Variants in ADGRV1 observed in about 807,000 individuals in gnomAD.
ADGRV1 encodes the protein adhesion G protein-coupled receptor V1.
A neutral mutation model predicts 596.2 loss-of-function variants in ADGRV1; 359 were observed. The observed-to-expected ratio is 0.60, with a 90% CI of 0.55 to 0.66. The LOEUF (loss-of-function observed/expected upper bound fraction) is 0.66. Among genes scored for constraint, ADGRV1 ranks in the 30% least tolerant of loss-of-function variants. ADGRV1 has a pLI of 0.00. For missense variants in ADGRV1, 7,274 were observed against 7,575.6 expected (o/e 0.96, Z 1.48); for synonymous variants, 2,681 against 2,679.2 (o/e 1.00, Z -0.02).
chr5:90,814,086 CAAG>C (rs1762689121), intron 74 of ADGRV1, among the ~76,000 whole-genome samples: 1 of 152,156 alleles, frequency 6.6e-6, no homozygotes, highest in South Asian at 2.1e-4. Flanking sequence ...CTTAAGGTGA[CAAG>C]AAAAGAATTG....
chr5:90,965,053 A>G (rs977715036), intron 83 of ADGRV1, among the ~76,000 whole-genome samples: 4 of 152,076 alleles, frequency 2.6e-5, no homozygotes, highest in African/African-American at 7.2e-5. Context: ...TTTCTCTCCC[A>G]TTAGCTTTGA....
At chr5:90,694,729 G>A (rs758821724) in intron 33 of ADGRV1, 28 bp downstream of exon 33, 31 of 1,513,990 alleles carry the variant, frequency 2.0e-5, no homozygotes, top group Middle Eastern at 1.8e-4. Flanking sequence ...ATGAATTTCC[G>A]TTGCCCCAGT....
In ADGRV1 at chr5:90,692,640, A is replaced by G. The variant is rs763995549; in HGVS notation, c.6987A>G (p.Gly2329=). ...TGCAACTAACTGATGCCTCTGGTGG[A>G]GGTACTATTGGGTTAGATCGAATTG... The part of the protein sequence containing the change: ...IQVQLTDASG[G]GTIGLDRIAN... The change falls in exon 32 of 90, where the codon GGA becomes GGG. Residue 2329 remains glycine, a synonymous_variant. Coordinates refer to ENST00000405460, the MANE Select transcript of ADGRV1 (RefSeq NM_032119.4). 5 of 1,610,820 alleles carry G rather than the reference A, an allele frequency of 3.1e-6. No homozygotes were observed. Among genetic ancestry groups the G allele is most frequent in the South Asian group, 2.2e-5 (2 of 90,426 alleles).
Position 90,810,959 on chromosome 5 carries a change from G to A in ADGRV1, c.15699G>A (p.Met5233Ile). The A allele has an allele frequency of 1.2e-6, 2 of 1,614,014 alleles. No individual in the cohort carries two copies. Among genetic ancestry groups the A allele is most frequent in the Non-Finnish European group, 1.7e-6 (2 of 1,179,896 alleles). ...CCATTGTTTATATTGAAGAGGAGAT[G>A]AAGAATGGCACATTCAACACTGCAG... ...GPSIVYIEEE[M>I]KNGTFNTAEV... The change falls in exon 74 of 90, where the codon ATG becomes ATA. Residue 5233 changes from methionine to isoleucine, a missense_variant. By Grantham distance (10) the Met-to-Ile change is conservative. Transcript: ENST00000405460.
chr5:90,749,448 G>A (rs1755005015), intron 52 of ADGRV1, among the ~76,000 whole-genome samples: 2 of 152,102 alleles, frequency 1.3e-5, no homozygotes, highest in African/African-American at 4.8e-5. Flanking sequence ...ATTTTATTTA[G>A]GAATGTTTGA....
rs189289831 is a variant in ADGRV1 at position 90,993,342 on chromosome 5, A to G, written c.18152+7820A>G. On this transcript the variant is annotated intron_variant, in intron 85 of 89. Coordinates refer to ENST00000405460, the MANE Select transcript of ADGRV1 (RefSeq NM_032119.4). ...CACAGCTAGTTTTTGTGTTATTAGT[A>G]GAGACGGGGTTTCACCATATTGGCC... Among the ~76,000 whole-genome samples the G allele has an allele frequency of 2.4e-3, 360 of 151,892 alleles. 2 individuals carry two copies. The highest frequency in any genetic ancestry group is 8.0e-3 in the African/African-American group (333 of 41,434).
chr5:91,053,199 C>G (rs1786510068), intron 85 of ADGRV1, among the ~76,000 whole-genome samples: 1 of 152,136 alleles, frequency 6.6e-6, no homozygotes, highest in South Asian at 2.1e-4. Flanking sequence ...TATATTACAG[C>G]TCTCTTGGGC....
chr5:90,803,797 T>C (rs1761636581), intron 71 of ADGRV1, among the ~76,000 whole-genome samples: 1 of 152,168 alleles, frequency 6.6e-6, no homozygotes, highest in South Asian at 2.1e-4. Flanking sequence ...GCTTTGAATT[T>C]TGTTGTCTTC....
At chr5:90,847,738 G>A (rs1441896604) in intron 78 of ADGRV1, among the ~76,000 whole-genome samples, 9 of 152,316 alleles carry the variant, frequency 5.9e-5, no homozygotes, top group Admixed American at 2.6e-4. Context: ...CTCACTGCCC[G>A]GGGCTGGCAG....
rs1414801496 is a variant in ADGRV1, at chr5:90,810,748, C to T, written c.15488C>T (p.Thr5163Ile). Residue 5163 changes from threonine (T) to isoleucine (I), a missense_variant, in exon 74 of 90, where the codon ACA becomes ATA. Physicochemically the swap from Thr to Ile is moderately conservative, Grantham distance 89 (BLOSUM62 -1). Around this residue, in one of 5 missense-constraint regions of ADGRV1, gnomAD observed 1,874 missense variants for 1,970.2 expected, o/e 0.95. Transcript: ENST00000405460. ...VETESTTYLS[T>I]SKTTTILQPT... Reference sequence around the variant, plus strand: ...ACTGAATCCACCACATACCTCAGCACAAGCAAGACGACTACCATTCTGCAG... The same window carrying T: ...ACTGAATCCACCACATACCTCAGCATAAGCAAGACGACTACCATTCTGCAG... 1 of 1,613,960 alleles carries T rather than the reference C, an allele frequency of 6.2e-7. No individual in the cohort carries two copies. The highest frequency in any genetic ancestry group is 8.5e-7 in the Non-Finnish European group (1 of 1,179,894).
chr5:90,786,588 ACT>A (rs1759479777), intron 67 of ADGRV1, among the ~76,000 whole-genome samples: 1 of 151,896 alleles, frequency 6.6e-6, no homozygotes, highest in Non-Finnish European at 1.5e-5. Context: ...ATTTCCCTCT[ACT>A]CTCCATGTCA....
chr5:91,012,512 A>G (rs1782805477), intron 85 of ADGRV1, among the ~76,000 whole-genome samples: 1 of 151,820 alleles, frequency 6.6e-6, no homozygotes, highest in South Asian at 2.1e-4. Context: ...ATTTATTTGA[A>G]CCATCTTATG....
At chr5:90,635,336 A>C (rs1202080303) in intron 10 of ADGRV1, 46 bp downstream of exon 10, 3 of 1,485,538 alleles carry the variant, frequency 2.0e-6, no homozygotes, top group Non-Finnish European at 9.1e-7. Context: ...AGTATGAAGT[A>C]ATGTACAGAC....
intron 87 of ADGRV1, among the ~76,000 whole-genome samples, chr5:91,148,040 A>G (rs115019036): frequency 6.6e-6 from 1 of 152,282 alleles, no homozygotes; most frequent in Non-Finnish European, 1.5e-5. Context: ...CTCCCTAGAA[A>G]TCTGTGGAAC....
At chr5:91,018,040 T>G (rs1449710862) in intron 85 of ADGRV1, among the ~76,000 whole-genome samples, 6 of 152,080 alleles carry the variant, frequency 3.9e-5, no homozygotes, top group Admixed American at 2.6e-4. Context: ...TCTACCCTAC[T>G]ATGTTTTTAA....
chr5:91,022,874 C>T (rs1243964498), intron 85 of ADGRV1, among the ~76,000 whole-genome samples: 2 of 152,036 alleles, frequency 1.3e-5, no homozygotes, highest in African/African-American at 4.8e-5. Context: ...ACAGTTTTAG[C>T]CTGCAGCTTT....
chr5:90,994,154 C>T (rs1371508315), intron 85 of ADGRV1, among the ~76,000 whole-genome samples: 1 of 151,848 alleles, frequency 6.6e-6, no homozygotes, highest in East Asian at 1.9e-4. Flanking sequence ...CCTCTGCCTC[C>T]CAGGTTTGAG....
chr5:90,809,631 G>A (rs550965182), intron 73 of ADGRV1, among the ~76,000 whole-genome samples: 13 of 152,214 alleles, frequency 8.5e-5, no homozygotes, highest in African/African-American at 3.1e-4. Context: ...AAATAAACCT[G>A]TAGACAGAAT....
chr5:91,052,371 T>C (rs1786419491), intron 85 of ADGRV1, among the ~76,000 whole-genome samples: 1 of 151,882 alleles, frequency 6.6e-6, no homozygotes, highest in Non-Finnish European at 1.5e-5. Context: ...GAATGGATTG[T>C]AGTGTTTTGT....
Sources: gnomAD v4.1 joint callset for allele counts (sites outside exome capture counted in the v4.1 genomes callset) on GRCh38, gnomAD v4.1.1 for gene constraint, gnomAD v4.1.1 regional missense constraint, MANE v1.5 for transcripts, NCBI Gene and HGNC (gene_info 2026-07-23, HGNC 2026-07-21) for gene names.